PRIM2: variants seen among roughly 807,000 people sequenced by gnomAD.
PRIM2 encodes the protein DNA primase subunit 2, also known as DNA primase large subunit.
Under a neutral mutation model 67.3 loss-of-function variants are expected in PRIM2, and 39 were observed. The observed-to-expected ratio is 0.58, with a 90% CI of 0.45 to 0.76. PRIM2 has a LOEUF of 0.76. Among genes scored for constraint, PRIM2 ranks in the 30% least tolerant of loss-of-function variants. The pLI, the probability that PRIM2 is intolerant of heterozygous loss-of-function variation, is 0.00. For missense variants in PRIM2, 398 were observed against 598.7 expected (o/e 0.66, Z 3.50); for synonymous variants, 143 against 198.7 (o/e 0.72, Z 2.36).
At chr6:57,270,951 A>G in the PRIM2 span, among the ~76,000 whole-genome samples, 3 of 151,728 alleles carry the variant, frequency 2.0e-5, no homozygotes, top group African/African-American at 4.9e-5. Context: ...TGTATGTTGA[A>G]CCAGCCTTGC....
intron 7 of PRIM2, among the ~76,000 whole-genome samples, chr6:57,394,815 T>C (rs1414517682): frequency 1.3e-5 from 2 of 152,184 alleles, no homozygotes; most frequent in African/African-American, 2.4e-5. Flanking sequence ...AGATGGCTTT[T>C]ATAACATTAA....
At chr6:57,300,025 C>T in the PRIM2 span, among the ~76,000 whole-genome samples, 13,375 of 152,204 alleles carry the variant, frequency 0.088, 621 homozygotes, top group Admixed American at 0.11. Flanking sequence ...AGACACCCTC[C>T]CATGGGACCC....
At chr6:57,342,144 C>CT in intron 5 of PRIM2, among the ~76,000 whole-genome samples, 2 of 152,174 alleles carry the variant, frequency 1.3e-5, no homozygotes, top group East Asian at 3.9e-4. Flanking sequence ...TGCATTGATA[C>CT]TTTTTTAGTC....
chr6:57,485,989 G>A (rs1773743734), intron 7 of PRIM2, among the ~76,000 whole-genome samples: 1 of 152,204 alleles, frequency 6.6e-6, no homozygotes, highest in Non-Finnish European at 1.5e-5. Context: ...TAAGATAGGA[G>A]AAATTTCTTG....
At chr6:57,539,612 TTGTGTGTGTGTG>T (rs1232932730) in intron 10 of PRIM2, among the ~76,000 whole-genome samples, 36 of 129,352 alleles carry the variant, frequency 2.8e-4, no homozygotes, top group African/African-American at 6.5e-4. Flanking sequence ...ATTATATTCT[TTGTGTGTGTGTG>T]TGTGTGTGTG....
chr6:57,243,981 G>A, the PRIM2 span, among the ~76,000 whole-genome samples: 1 of 152,174 alleles, frequency 6.6e-6, no homozygotes, highest in Admixed American at 6.5e-5. Flanking sequence ...TGGCTGAGGT[G>A]CTCAAAAACA....
chr6:57,643,681 TAAAA>T (rs1222931667), intron 13 of PRIM2, among the ~76,000 whole-genome samples: 3 of 152,182 alleles, frequency 2.0e-5, no homozygotes, highest in African/African-American at 7.2e-5. Context: ...TTGAATGTAA[TAAAA>T]AAGTTCACAA....
intron 4 of PRIM2, 48 bp downstream of exon 4, chr6:57,324,328 A>G: frequency 8.3e-7 from 1 of 1,207,338 alleles, no homozygotes; most frequent in East Asian, 2.4e-5. Context: ...GTCATGGGTT[A>G]TAAATTGGTG....
rs370979347 is a variant in PRIM2, at chr6:57,387,690, GA to G, written c.693+5526del. On this transcript the variant is annotated intron_variant, in intron 7 of 13. Coordinates refer to ENST00000615550, the MANE Select transcript of PRIM2 (RefSeq NM_000947.5). ...TAGAATAGATTGATAACCAGTTAGG[GA>G]AAAGAATGAGGGAAAGATAGATTTT... 1.9e-3 allele frequency among the ~76,000 whole-genome samples: 290 copies of G among 152,032 alleles called. 1 individual carries two copies. The highest frequency in any genetic ancestry group is 6.8e-3 in the African/African-American group (280 of 41,454).
Position 57,542,284 on chromosome 6 carries a change from T to C in PRIM2, c.1020+4659T>C, listed in dbSNP as rs1261044509. Among the ~76,000 whole-genome samples the C allele has an allele frequency of 1.4e-3, 213 of 152,252 alleles. 5 individuals carry two copies. In the East Asian group the frequency reaches 0.019, roughly 14 times the overall value. On this transcript the variant is annotated intron_variant, in intron 10 of 13. Coordinates refer to ENST00000615550, the MANE Select transcript of PRIM2 (RefSeq NM_000947.5). ...AGCTACTGCCACCATGCCCGGCTGG[T>C]GAGCTGGGTTGTTTTGAAGTGAAAA...
At chr6:57,255,217 G>A in the PRIM2 span, among the ~76,000 whole-genome samples, 1 of 152,044 alleles carries the variant, frequency 6.6e-6, no homozygotes, top group South Asian at 2.1e-4. Context: ...CTCTCCATTG[G>A]GCCGGGTGTG....
intron 7 of PRIM2, among the ~76,000 whole-genome samples, chr6:57,501,489 G>A (rs1554346878): frequency 9.5e-4 from 144 of 152,098 alleles, no homozygotes; most frequent in Non-Finnish European, 1.5e-3. Flanking sequence ...TAGTAGAGAC[G>A]GGATTTCACC....
intron 10 of PRIM2, among the ~76,000 whole-genome samples, chr6:57,563,213 C>T (rs1324896738): frequency 0.72 from 108,577 of 150,830 alleles, 39,677 homozygotes; most frequent in African/African-American, 0.86. Flanking sequence ...AGTTGCCCTA[C>T]ATATCCTAAA....
At chr6:57,642,375 A>T (rs1237127005) in intron 13 of PRIM2, among the ~76,000 whole-genome samples, 71 of 151,900 alleles carry the variant, frequency 4.7e-4, no homozygotes, top group Admixed American at 3.3e-3. Flanking sequence ...AGTATAATTT[A>T]AAAAATATTA....
At chr6:57,569,133 T>C (rs1775810997) in intron 10 of PRIM2, among the ~76,000 whole-genome samples, 1 of 152,210 alleles carries the variant, frequency 6.6e-6, no homozygotes, top group African/African-American at 2.4e-5. Flanking sequence ...GATACTTACT[T>C]TTCCTAAGGT....
chr6:57,642,433 A>ACCTTTTTTTTTTTTTTT (rs1444848326), intron 13 of PRIM2, among the ~76,000 whole-genome samples: 4 of 107,060 alleles, frequency 3.7e-5, no homozygotes, highest in Non-Finnish European at 5.5e-5. Flanking sequence ...TAAATATTAT[A>ACCTTTTTTTTTTTTTTT]TCTTTTTTTT....
At chr6:57,294,197 AGGCCAGGCGTGGT>A in the PRIM2 span, among the ~76,000 whole-genome samples, 1 of 152,138 alleles carries the variant, frequency 6.6e-6, no homozygotes, top group Non-Finnish European at 1.5e-5. Flanking sequence ...CACTTTATAT[AGGCCAGGCGTGGT>A]GGCTCATGCC....
At chr6:57,479,842 A>T (rs1450264609) in intron 7 of PRIM2, among the ~76,000 whole-genome samples, 1 of 152,244 alleles carries the variant, frequency 6.6e-6, no homozygotes, top group Non-Finnish European at 1.5e-5. Flanking sequence ...CAAGGTCACC[A>T]GCCGCGTGGT....
intron 10 of PRIM2, among the ~76,000 whole-genome samples, chr6:57,558,330 C>A (rs1775558869): frequency 6.6e-6 from 1 of 152,102 alleles, no homozygotes; most frequent in African/African-American, 2.4e-5. Context: ...TAAGATATAT[C>A]TACCTAGGAG....
Sources: gnomAD v4.1 joint callset for allele counts (sites outside exome capture counted in the v4.1 genomes callset) on GRCh38, gnomAD v4.1.1 for gene constraint, MANE v1.5 for transcripts, NCBI Gene and HGNC (gene_info 2026-07-23, HGNC 2026-07-21) for gene names.